The following ITGA1 variants were observed in gnomAD, a reference collection of about 807,000 sequenced individuals.
ITGA1 encodes the protein integrin subunit alpha 1.
ITGA1 carries 85 observed loss-of-function variants against 145.9 expected under a neutral mutation model. That is an observed-to-expected ratio of 0.58 (90% CI 0.49 to 0.70). The LOEUF is 0.70. Ranked by LOEUF, ITGA1 falls within the 30% of genes least tolerant of loss-of-function variation. The pLI is 0.00. For synonymous variants in ITGA1, 520 were observed against 495.3 expected, an observed-to-expected ratio of 1.05 and a Z score of -0.66; for missense variants, 1,351 against 1,418.7, an observed-to-expected ratio of 0.95 and a Z score of 0.77.
chr5:52,919,565 G>A (rs1433368187), intron 16 of ITGA1, among the ~76,000 whole-genome samples: 1 of 152,110 alleles, frequency 6.6e-6, no homozygotes, highest in Non-Finnish European at 1.5e-5. Context: ...CCAAATACAA[G>A]CAGAATGAGA....
intron 1 of ITGA1, chr5:52,824,925 GCTT>G (rs1463131902): frequency 3.9e-5 from 6 of 152,192 alleles, no homozygotes; most frequent in Admixed American, 1.3e-4. Context: ...TAATTGAGCT[GCTT>G]CTTATTTTTA....
At chr5:52,810,123 A>G (rs76717522) in intron 1 of ITGA1, among the ~76,000 whole-genome samples, 1 of 152,212 alleles carries the variant, frequency 6.6e-6, no homozygotes, top group Non-Finnish European at 1.5e-5. Context: ...TTTTTAGGAC[A>G]GCAAAGATGG....
intron 6 of ITGA1, among the ~76,000 whole-genome samples, chr5:52,870,748 T>C (rs1258630389): frequency 6.6e-6 from 1 of 152,176 alleles, no homozygotes; most frequent in Non-Finnish European, 1.5e-5. Context: ...TGTGAGGTCA[T>C]GTCAGGGCCT....
At chr5:52,883,091 G>A (rs184071080) in intron 7 of ITGA1, among the ~76,000 whole-genome samples, 1 of 152,252 alleles carries the variant, frequency 6.6e-6, no homozygotes, top group East Asian at 1.9e-4. Flanking sequence ...AACAGATGGA[G>A]GTAATTGGAC....
At chr5:52,839,099 A>T (rs1749211043) in intron 1 of ITGA1, among the ~76,000 whole-genome samples, 1 of 152,154 alleles carries the variant, frequency 6.6e-6, no homozygotes, top group Non-Finnish European at 1.5e-5. Context: ...CCTGCCTCAA[A>T]ACAAAAACAA....
intron 2 of ITGA1, among the ~76,000 whole-genome samples, chr5:52,850,088 C>T (rs570376605): frequency 4.6e-5 from 7 of 151,434 alleles, no homozygotes; most frequent in African/African-American, 1.2e-4. Context: ...CTGCAACCTC[C>T]GCCTCCTGGG....
intron 1 of ITGA1, 75 bp from the exon 2 acceptor site, chr5:52,849,290 C>T: frequency 2.4e-6 from 3 of 1,269,884 alleles, no homozygotes; most frequent in South Asian, 1.9e-5. Flanking sequence ...TAACCTTAAC[C>T]ATGCCTTCCA....
intron 1 of ITGA1, among the ~76,000 whole-genome samples, chr5:52,827,927 A>C (rs556573237): frequency 6.6e-6 from 1 of 152,272 alleles, no homozygotes; most frequent in South Asian, 2.1e-4. Context: ...CACTTGCTTT[A>C]TTGCAGTGGT....
At chr5:52,874,129 C>T (rs1243182996) in intron 6 of ITGA1, among the ~76,000 whole-genome samples, 1 of 151,634 alleles carries the variant, frequency 6.6e-6, no homozygotes, top group Non-Finnish European at 1.5e-5. Context: ...GATAGGGTGG[C>T]TGCAGCTGTT....
At chr5:52,856,551 C>T (rs937882601) in intron 2 of ITGA1, among the ~76,000 whole-genome samples, 1 of 152,112 alleles carries the variant, frequency 6.6e-6, no homozygotes, top group African/African-American at 2.4e-5. Context: ...AGAGGAGCTG[C>T]CTGACAGACC....
At chr5:52,820,381 G>A (rs1332564592) in intron 1 of ITGA1, among the ~76,000 whole-genome samples, 1 of 103,546 alleles carries the variant, frequency 9.7e-6, no homozygotes, top group Admixed American at 1.2e-4. Flanking sequence ...TGTGGGTGGG[G>A]GGAGGGGGGA....
intron 1 of ITGA1, among the ~76,000 whole-genome samples, chr5:52,808,699 T>C: frequency 6.9e-6 from 1 of 144,370 alleles, no homozygotes; most frequent in South Asian, 2.2e-4. Flanking sequence ...TTTTTTTTTG[T>C]TTGATGAGTT....
At chr5:52,881,850 C>T (rs1245601627) in intron 6 of ITGA1, 23 bp from the exon 7 acceptor site, 3 of 1,595,090 alleles carry the variant, frequency 1.9e-6, no homozygotes, top group Non-Finnish European at 2.6e-6. Flanking sequence ...TGACGTATAA[C>T]TCACAGTGGC....
At chr5:52,891,991 C>T (rs562364549) in intron 8 of ITGA1, among the ~76,000 whole-genome samples, 21 of 152,114 alleles carry the variant, frequency 1.4e-4, no homozygotes, top group Non-Finnish European at 2.9e-4. Context: ...ATTAGTTGGA[C>T]TTCATCAAAA....
At chr5:52,902,163 C>A (rs1750325861) in intron 11 of ITGA1, 1 of 152,150 alleles carries the variant, frequency 6.6e-6, no homozygotes. Flanking sequence ...GGCAGAGGCT[C>A]TGTTAGAAAA....
At chr5:52,884,783 T>C (rs1406047843) in intron 7 of ITGA1, among the ~76,000 whole-genome samples, 3 of 152,210 alleles carry the variant, frequency 2.0e-5, no homozygotes, top group East Asian at 1.9e-4. Flanking sequence ...TCACTTCTGA[T>C]GCCAGATGTG....
intron 26 of ITGA1, among the ~76,000 whole-genome samples, chr5:52,943,376 T>G (rs984495728): frequency 7.9e-5 from 12 of 152,212 alleles, no homozygotes; most frequent in African/African-American, 2.9e-4. Context: ...GAGGGCCAAG[T>G]CTCTGTACAG....
chr5:52,820,548 G>A (rs1479960259), intron 1 of ITGA1, among the ~76,000 whole-genome samples: 1 of 149,950 alleles, frequency 6.7e-6, no homozygotes, highest in African/African-American at 2.5e-5. Flanking sequence ...AAAGAAAATG[G>A]CACACTTGCT....
chr5:52,870,446 A>G (rs1749760582), intron 6 of ITGA1, among the ~76,000 whole-genome samples: 2 of 33,020 alleles, frequency 6.1e-5, no homozygotes, highest in Admixed American at 3.9e-4. Context: ...CTATGAATGT[A>G]GTTGTAAGAT....
Sources: allele counts gnomAD v4.1 joint callset (sites outside exome capture counted in the v4.1 genomes callset), GRCh38; gene constraint gnomAD v4.1.1; transcripts MANE v1.5; gene names NCBI Gene and HGNC (gene_info 2026-07-23, HGNC 2026-07-21).